Variants in PAAF1 observed in about 807,000 individuals in gnomAD.
PAAF1 encodes proteasomal ATPase-associated factor 1.
In PAAF1, 46 loss-of-function variants were observed where a neutral mutation model predicts 52.8. The observed-to-expected ratio is 0.87, with a 90% CI of 0.69 to 1.11. The LOEUF (loss-of-function observed/expected upper bound fraction) is 1.11, where lower values mean the gene tolerates loss of function less well. Ranked by LOEUF, PAAF1 falls within the 50% of genes most tolerant of loss-of-function variation. PAAF1 has a pLI of 0.00. For synonymous variants in PAAF1, 178 were observed against 172.8 expected, an observed-to-expected ratio of 1.03 and a Z score of -0.24; for missense variants, 424 against 477.4, an observed-to-expected ratio of 0.89 and a Z score of 1.04.
chr11:73,926,800 G>A (rs76689874), intron 11 of PAAF1, among the ~76,000 whole-genome samples: 1,579 of 152,268 alleles, frequency 0.01, 31 homozygotes, highest in African/African-American at 0.034. Flanking sequence ...GGCCTGGGGG[G>A]TTGAGAAAGT....
At chr11:73,882,820 G>T (rs1304551308) in intron 2 of PAAF1, among the ~76,000 whole-genome samples, 1 of 152,044 alleles carries the variant, frequency 6.6e-6, no homozygotes, top group Non-Finnish European at 1.5e-5. Flanking sequence ...AAGCAGGATG[G>T]TCTCGAACTC....
At position 73,891,100 on chromosome 11, in the gene PAAF1, C is replaced by G. The variant is rs768578603; in HGVS notation, c.193-12C>G. 1 of 1,526,916 alleles carries G rather than the reference C, an allele frequency of 6.5e-7. No homozygotes were observed. The highest frequency in any genetic ancestry group is 9.0e-7 in the Non-Finnish European group (1 of 1,106,286). 94.6% of individuals were successfully genotyped at this position (1,526,916 alleles called of 1,614,324 possible). ...TTTTACTGATGAATCTCATCTTTTC[C>G]TCTTTGTTTAGAAAAGCATTCATAT... On this transcript the variant is annotated splice_polypyrimidine_tract_variant and intron_variant, in intron 3 of 11. Transcript: ENST00000310571.
intron 4 of PAAF1, among the ~76,000 whole-genome samples, chr11:73,897,308 C>T (rs1280226114): frequency 6.6e-6 from 1 of 151,492 alleles, no homozygotes; most frequent in Non-Finnish European, 1.5e-5. Flanking sequence ...CCCTCCCGGA[C>T]GAGGTGGCTG....
intron 6 of PAAF1, among the ~76,000 whole-genome samples, chr11:73,908,279 ATATATG>A: frequency 6.9e-6 from 1 of 145,424 alleles, no homozygotes; most frequent in African/African-American, 2.6e-5. Flanking sequence ...ATATATGTGT[ATATATG>A]TATATATATG....
chr11:73,891,612 C>CA (rs1315594611), intron 4 of PAAF1, among the ~76,000 whole-genome samples: 2 of 151,542 alleles, frequency 1.3e-5, no homozygotes, highest in South Asian at 2.1e-4. Flanking sequence ...CCTGTCTCCA[C>CA]AAAAAAACAA....
intron 8 of PAAF1, among the ~76,000 whole-genome samples, chr11:73,915,148 A>T (rs1434637265): frequency 2.0e-5 from 3 of 152,208 alleles, no homozygotes; most frequent in Non-Finnish European, 2.9e-5. Context: ...AACTGGTCAT[A>T]ATAGGGTATG....
chr11:73,905,032 C>A (rs1304093348), intron 6 of PAAF1, among the ~76,000 whole-genome samples: 1 of 152,086 alleles, frequency 6.6e-6, no homozygotes, highest in Non-Finnish European at 1.5e-5. Flanking sequence ...GTAGGTAGAT[C>A]TCTTGAGGCC....
chr11:73,908,229 A>G (rs563347466), intron 6 of PAAF1, among the ~76,000 whole-genome samples: 80 of 149,300 alleles, frequency 5.4e-4, no homozygotes, highest in East Asian at 3.1e-3. Context: ...ATATATATAT[A>G]TGTGTGTATA....
intron 6 of PAAF1, among the ~76,000 whole-genome samples, chr11:73,906,854 A>G (rs968583321): frequency 6.6e-6 from 1 of 152,214 alleles, no homozygotes; most frequent in Non-Finnish European, 1.5e-5. Flanking sequence ...AAAGTATGCT[A>G]AAGACCACTA....
chr11:73,926,378 G>A (rs1407022514), intron 11 of PAAF1, among the ~76,000 whole-genome samples: 2 of 152,300 alleles, frequency 1.3e-5, no homozygotes, highest in African/African-American at 4.8e-5. Flanking sequence ...GATTACAGGC[G>A]TGAGCCACCG....
rs944639302 is a variant in PAAF1 at position 73,929,783 on chromosome 11, A to T, written c.*2421A>T. ...TTAAGAAAACAGGATGAGGCTGGGC[A>T]TGGTGGCTCACGCCTATAATCCCAG... On this transcript the variant is annotated 3_prime_UTR_variant, in exon 12 of 12. Coordinates refer to ENST00000310571, the MANE Select transcript of PAAF1 (RefSeq NM_025155.3). The T allele has an allele frequency of 6.6e-6, 1 of 152,252 alleles. No homozygotes were observed. The highest frequency in any genetic ancestry group is 1.5e-5 in the Non-Finnish European group (1 of 68,090). The allele number at this position is 152,252 out of a possible 1,614,324, so 9.4% of individuals were successfully genotyped here.
chr11:73,902,061 C>T lies in PAAF1; in HGVS notation c.532+1641C>T, dbSNP rs140228089. 9.8e-3 allele frequency among the ~76,000 whole-genome samples: 1,484 copies of T among 151,238 alleles called. 22 individuals are homozygous for T. Among genetic ancestry groups the T allele is most frequent in the Middle Eastern group, 0.038 (11 of 292 alleles). ...GTATTTTTTAGTAGAGATGGGGTTT[C>T]GCTGTGTTGGCTGGGCTGGTCTTAA... On this transcript the variant is annotated intron_variant, in intron 6 of 11. Transcript: ENST00000310571.
intron 4 of PAAF1, among the ~76,000 whole-genome samples, chr11:73,894,961 G>A (rs1949304173): frequency 6.6e-6 from 1 of 152,178 alleles, no homozygotes; most frequent in African/African-American, 2.4e-5. Context: ...TCCAGGCTGG[G>A]TGACAGAGTG....
At chr11:73,922,312 A>G in intron 10 of PAAF1, 1 of 426,960 alleles carries the variant, frequency 2.3e-6, no homozygotes, top group South Asian at 2.2e-5. Context: ...AGGGAGTAAG[A>G]TTATAACTCT....
At chr11:73,897,643 G>C (rs996122080) in intron 4 of PAAF1, among the ~76,000 whole-genome samples, 1 of 147,806 alleles carries the variant, frequency 6.8e-6, no homozygotes, top group African/African-American at 2.6e-5. Context: ...CGGGCAGAGA[G>C]GCTCCTCACT....
chr11:73,920,491 C>G (rs1468861747), intron 10 of PAAF1, among the ~76,000 whole-genome samples: 1 of 151,958 alleles, frequency 6.6e-6, no homozygotes. Context: ...GATTGTGCCA[C>G]TGCATTTCAC....
chr11:73,877,157 A>G lies in PAAF1; in HGVS notation c.47+89A>G, dbSNP rs1454956127. Reference sequence around the variant, plus strand: ...GAGCCATGCCTGGTCCAGGATATCAATAGGGGTTACTTCGTCAATTGTCGA... The same window carrying G: ...GAGCCATGCCTGGTCCAGGATATCAGTAGGGGTTACTTCGTCAATTGTCGA... On this transcript the variant is annotated intron_variant, in intron 1 of 11. Coordinates refer to ENST00000310571, the MANE Select transcript of PAAF1 (RefSeq NM_025155.3). 5 of 1,324,324 alleles carry G rather than the reference A, an allele frequency of 3.8e-6. No homozygotes were observed. In the South Asian group the frequency reaches 4.9e-5, roughly 13 times the overall value. 82.0% of individuals were successfully genotyped at this position (1,324,324 alleles called of 1,614,324 possible). A position where few individuals can be genotyped will look rare whatever the true frequency, so the allele number is the denominator to read the frequency against.
In PAAF1 at chr11:73,927,865, T is replaced by TA. The variant is rs1379445718; in HGVS notation, c.*505dup. Reference sequence around the variant, plus strand: ...CTTGGCAGTAGCAATAAATGTCCTGTAAGCTGCCACCTGGGAGAGATTCTT... The same window carrying TA: ...CTTGGCAGTAGCAATAAATGTCCTGTAAAGCTGCCACCTGGGAGAGATTCTT... On this transcript the variant is annotated 3_prime_UTR_variant, in exon 12 of 12. Coordinates refer to ENST00000310571, the MANE Select transcript of PAAF1 (RefSeq NM_025155.3). 2 of 155,660 alleles carry TA rather than the reference T, an allele frequency of 1.3e-5. No homozygotes were observed. The highest frequency in any genetic ancestry group is 3.8e-4 in the East Asian group (2 of 5,260). 9.6% of individuals were successfully genotyped at this position (155,660 alleles called of 1,614,324 possible).
chr11:73,876,798 C>G (rs1948754157), upstream of PAAF1: 3 of 412,902 alleles, frequency 7.3e-6, no homozygotes, highest in Non-Finnish European at 1.3e-5. Context: ...CGCTCCTACG[C>G]GGCGGCTTGG....
Sources: gnomAD v4.1 joint callset for allele counts (sites outside exome capture counted in the v4.1 genomes callset) on GRCh38, gnomAD v4.1.1 for gene constraint, MANE v1.5 for transcripts, NCBI Gene and HGNC (gene_info 2026-07-23, HGNC 2026-07-21) for gene names.